SUPT3H: variants seen among roughly 807,000 people sequenced by gnomAD.
SUPT3H encodes SPT3 homolog, SAGA and STAGA complex component.
SUPT3H carries 44 observed loss-of-function variants against 44.3 expected under a neutral mutation model. That is an observed-to-expected ratio of 0.99 (90% CI 0.78 to 1.28). The LOEUF is 1.28. SUPT3H is among the 50% of genes most tolerant of loss of function. The pLI is 0.00. For synonymous variants in SUPT3H, 124 were observed against 125.6 expected, an observed-to-expected ratio of 0.99 and a Z score of 0.09; for missense variants, 380 against 387.1, an observed-to-expected ratio of 0.98 and a Z score of 0.15.
At chr6:45,026,027 A>T (rs1246864932) in intron 3 of SUPT3H, among the ~76,000 whole-genome samples, 1 of 152,226 alleles carries the variant, frequency 6.6e-6, no homozygotes, top group Non-Finnish European at 1.5e-5. Context: ...TTTTGAAGAT[A>T]AATGGTAAAC....
chr6:45,241,567 C>T (rs143087990), intron 2 of SUPT3H, among the ~76,000 whole-genome samples: 2 of 152,074 alleles, frequency 1.3e-5, no homozygotes, highest in East Asian at 1.9e-4. Flanking sequence ...GTGGGTAAAT[C>T]TCTGTTCGGG....
intron 2 of SUPT3H, among the ~76,000 whole-genome samples, chr6:45,321,024 C>T (rs1023821441): frequency 1.3e-5 from 2 of 152,006 alleles, no homozygotes; most frequent in Admixed American, 6.6e-5. Context: ...ATAACAGATG[C>T]TTGTTTTGAT....
At chr6:45,295,936 A>G (rs913344668) in intron 2 of SUPT3H, among the ~76,000 whole-genome samples, 1 of 152,152 alleles carries the variant, frequency 6.6e-6, no homozygotes, top group Non-Finnish European at 1.5e-5. Flanking sequence ...TTAAAGAACT[A>G]AAAGTAGAAC....
In SUPT3H at chr6:45,227,345, A is replaced by G. The variant is rs1039076371; in HGVS notation, c.102-121339T>C. 2.0e-5 allele frequency among the ~76,000 whole-genome samples: 3 copies of G among 152,150 alleles called. 1 individual carries two copies. Among genetic ancestry groups the G allele is most frequent in the Non-Finnish European group, 4.4e-5 (3 of 68,010 alleles). On this transcript the variant is annotated intron_variant, in intron 2 of 10. Coordinates refer to ENST00000371459, the MANE Select transcript of SUPT3H (RefSeq NM_003599.4). Reference sequence around the variant, plus strand: ...CATTTTCAACATTAGTAATATGTTAATTAGTTTGATGATTCCTTAACTCTG... The same window carrying G: ...CATTTTCAACATTAGTAATATGTTAGTTAGTTTGATGATTCCTTAACTCTG...
intron 2 of SUPT3H, among the ~76,000 whole-genome samples, chr6:45,297,926 A>T (rs1337477202): frequency 6.6e-6 from 1 of 152,208 alleles, no homozygotes; most frequent in Non-Finnish European, 1.5e-5. Context: ...CCATAAAAAG[A>T]TTATTATGCC....
chr6:44,978,042 G>C (rs1778582947), intron 6 of SUPT3H, among the ~76,000 whole-genome samples: 1 of 152,090 alleles, frequency 6.6e-6, no homozygotes, highest in Admixed American at 6.6e-5. Flanking sequence ...TACATTTTCT[G>C]AGTCATTTTA....
intron 2 of SUPT3H, among the ~76,000 whole-genome samples, chr6:45,353,160 C>T (rs1242691563): frequency 6.6e-6 from 1 of 151,968 alleles, no homozygotes; most frequent in African/African-American, 2.4e-5. Context: ...CATTAATCAA[C>T]TTTAAAAGTA....
At chr6:45,069,095 T>C (rs923377556) in intron 3 of SUPT3H, among the ~76,000 whole-genome samples, 2 of 152,174 alleles carry the variant, frequency 1.3e-5, no homozygotes, top group East Asian at 1.9e-4. Flanking sequence ...ATAAGTACTG[T>C]ATTGAACATG....
chr6:44,851,767 T>A (rs1328341074), intron 10 of SUPT3H, among the ~76,000 whole-genome samples: 1 of 152,216 alleles, frequency 6.6e-6, no homozygotes, highest in Admixed American at 6.5e-5. Flanking sequence ...GAGTGCCTTT[T>A]AAAATTGATT....
At chr6:45,049,973 G>T (rs1790017203) in intron 3 of SUPT3H, among the ~76,000 whole-genome samples, 1 of 151,980 alleles carries the variant, frequency 6.6e-6, no homozygotes, top group South Asian at 2.1e-4. Context: ...ATAAATATTT[G>T]GTACCCTCTT....
rs183672050 is a variant in SUPT3H at position 45,105,359 on chromosome 6, T to C, written c.186+563A>G. Reference sequence around the variant, plus strand: ...ACATGGTACAGGCATACCTCAGTGATACCGTAAGTTCAGTTACAGACCACT... The same window carrying C: ...ACATGGTACAGGCATACCTCAGTGACACCGTAAGTTCAGTTACAGACCACT... On this transcript the variant is annotated intron_variant, in intron 3 of 10. Coordinates refer to ENST00000371459, the MANE Select transcript of SUPT3H (RefSeq NM_003599.4). 2.6e-3 allele frequency among the ~76,000 whole-genome samples: 403 copies of C among 152,298 alleles called. 1 individual carries two copies. The highest frequency in any genetic ancestry group is 0.01 in the Middle Eastern group (3 of 294).
intron 3 of SUPT3H, among the ~76,000 whole-genome samples, chr6:45,031,382 C>T (rs1321027747): frequency 1.3e-5 from 2 of 152,028 alleles, no homozygotes; most frequent in African/African-American, 2.4e-5. Context: ...TAGATACATA[C>T]CAAACATGTC....
At chr6:44,909,381 C>T (rs779488409) in intron 10 of SUPT3H, among the ~76,000 whole-genome samples, 1 of 152,012 alleles carries the variant, frequency 6.6e-6, no homozygotes, top group Non-Finnish European at 1.5e-5. Flanking sequence ...AATTTCCTGG[C>T]TCTTCTTATA....
chr6:45,100,786 A>T (rs1798462345), intron 3 of SUPT3H, among the ~76,000 whole-genome samples: 1 of 152,118 alleles, frequency 6.6e-6, no homozygotes, highest in Admixed American at 6.6e-5. Flanking sequence ...TATAACCATT[A>T]TAGAAAACAA....
intron 2 of SUPT3H, among the ~76,000 whole-genome samples, chr6:45,124,984 G>A (rs1317842272): frequency 1.3e-5 from 2 of 152,112 alleles, no homozygotes; most frequent in Non-Finnish European, 2.9e-5. Context: ...AATGTGACTG[G>A]AGTGATGAAT....
At chr6:45,282,480 G>T in intron 2 of SUPT3H, among the ~76,000 whole-genome samples, 1 of 152,264 alleles carries the variant, frequency 6.6e-6, no homozygotes, top group East Asian at 1.9e-4. Flanking sequence ...GGAAGAAAGG[G>T]TATCAGTGAT....
intron 2 of SUPT3H, among the ~76,000 whole-genome samples, chr6:45,343,988 T>C (rs1373285746): frequency 6.6e-6 from 1 of 152,242 alleles, no homozygotes; most frequent in Non-Finnish European, 1.5e-5. Flanking sequence ...TATTTTACAA[T>C]CACAGGTGCC....
chr6:44,856,958 G>A (rs1561897779), intron 10 of SUPT3H, among the ~76,000 whole-genome samples: 1 of 152,120 alleles, frequency 6.6e-6, no homozygotes, highest in Non-Finnish European at 1.5e-5. Flanking sequence ...GTATTCACGA[G>A]TATAGAATTA....
chr6:45,239,156 A>G (rs1312840742), intron 2 of SUPT3H, among the ~76,000 whole-genome samples: 2 of 152,216 alleles, frequency 1.3e-5, no homozygotes, highest in Non-Finnish European at 2.9e-5. Flanking sequence ...TATATGGTTT[A>G]TTCTACACAA....
Sources: allele counts gnomAD v4.1 joint callset (sites outside exome capture counted in the v4.1 genomes callset), GRCh38; gene constraint gnomAD v4.1.1; transcripts MANE v1.5; gene names NCBI Gene and HGNC (gene_info 2026-07-23, HGNC 2026-07-21).